Variants in SLCO3A1 observed in about 807,000 individuals in gnomAD.
The protein encoded by SLCO3A1 is solute carrier organic anion transporter family member 3A1.
SLCO3A1 carries 27 observed loss-of-function variants against 63.1 expected under a neutral mutation model. That is an observed-to-expected ratio of 0.43 (90% CI 0.32 to 0.59). The LOEUF (loss-of-function observed/expected upper bound fraction) is 0.59, where lower values mean the gene tolerates loss of function less well. Among genes scored for constraint, SLCO3A1 ranks in the 20% least tolerant of loss-of-function variants. The pLI is 0.09. For missense variants in SLCO3A1, 773 were observed against 945.8 expected (o/e 0.82, Z 2.40); for synonymous variants, 473 against 409.9 (o/e 1.15, Z -1.86).
intron 2 of SLCO3A1, among the ~76,000 whole-genome samples, chr15:92,015,720 G>T (rs1455316295): frequency 6.6e-6 from 1 of 152,130 alleles, no homozygotes; most frequent in Non-Finnish European, 1.5e-5. Flanking sequence ...AAGGGTAACT[G>T]TTGTGGGCAT....
At chr15:91,977,494 G>A (rs1901163566) in intron 2 of SLCO3A1, among the ~76,000 whole-genome samples, 1 of 152,296 alleles carries the variant, frequency 6.6e-6, no homozygotes. Context: ...CTCTAGGAAA[G>A]TGGGGTTCTC....
intron 1 of SLCO3A1, among the ~76,000 whole-genome samples, chr15:91,857,034 G>T (rs1449465082): frequency 2.3e-5 from 2 of 85,338 alleles, no homozygotes; most frequent in Non-Finnish European, 4.0e-5. Context: ...GGACTCGTGT[G>T]TGTGTGTGTG....
chr15:92,123,617 C>T (rs987835737), intron 5 of SLCO3A1, among the ~76,000 whole-genome samples: 3 of 151,988 alleles, frequency 2.0e-5, no homozygotes, highest in African/African-American at 4.8e-5. Flanking sequence ...AATATCTGCC[C>T]GACAGAGATA....
rs1476702313 is a variant in SLCO3A1, at chr15:91,916,044, G to A, written c.232G>A (p.Val78Met). The stretch of plus-strand genomic sequence containing the variant: ...TAGGTTCAACCTGCAGAGCGCTGAC[G>A]TGGGTGTGATCGCTAGCAGCTTCGA... ...ERRFNLQSAD[V>M]GVIASSFEIG... Residue 78 changes from valine to methionine, a missense_variant, in exon 2 of 10, where the codon GTG (valine) becomes ATG (methionine). By Grantham distance (21) the Val-to-Met change is conservative. Around this residue, in one of 3 missense-constraint regions of SLCO3A1, gnomAD observed 565 missense variants for 749.8 expected, o/e 0.75. Transcript: ENST00000318445. This position sits in a 1 kb window ranked among gnomAD's most constrained non-coding sequence, Gnocchi z 6.2. 4.3e-6 allele frequency: 7 copies of A among 1,613,346 alleles called. No individual in the cohort carries two copies. The highest frequency in any genetic ancestry group is 1.3e-5 in the African/African-American group (1 of 74,934).
At chr15:91,904,133 A>G (rs560577169) in intron 1 of SLCO3A1, among the ~76,000 whole-genome samples, 1 of 145,564 alleles carries the variant, frequency 6.9e-6, no homozygotes, top group South Asian at 2.3e-4. Context: ...TCCTCTGAAG[A>G]GGGTCCCACG....
chr15:91,927,665 G>A (rs1899078141), intron 2 of SLCO3A1, among the ~76,000 whole-genome samples: 1 of 152,144 alleles, frequency 6.6e-6, no homozygotes, highest in South Asian at 2.1e-4. Context: ...AATGTTCCAA[G>A]CAAGTGGGGC....
chr15:91,935,199 G>A (rs574738548), intron 2 of SLCO3A1, among the ~76,000 whole-genome samples: 21 of 152,238 alleles, frequency 1.4e-4, no homozygotes, highest in South Asian at 4.1e-4. Context: ...TGATCTGCCC[G>A]CCTCGGCCTC....
At chr15:91,947,436 G>C (rs954666789) in intron 2 of SLCO3A1, among the ~76,000 whole-genome samples, 4 of 152,182 alleles carry the variant, frequency 2.6e-5, no homozygotes, top group African/African-American at 9.7e-5. Context: ...CACTCAGGTG[G>C]TGCTTTGTTG....
At chr15:92,107,375 G>A (rs187969737) in intron 4 of SLCO3A1, among the ~76,000 whole-genome samples, 144 of 152,260 alleles carry the variant, frequency 9.5e-4, no homozygotes, top group Admixed American at 2.1e-3. Flanking sequence ...GGCCACAGTC[G>A]TTTACATGAT....
At chr15:92,070,337 A>C (rs563244779) in intron 2 of SLCO3A1, among the ~76,000 whole-genome samples, 1 of 152,348 alleles carries the variant, frequency 6.6e-6, no homozygotes, top group South Asian at 2.1e-4. Flanking sequence ...TCTTTCAAAA[A>C]CATGTCTTGA....
chr15:91,964,544 A>G (rs1001158843), intron 2 of SLCO3A1, among the ~76,000 whole-genome samples: 1 of 151,812 alleles, frequency 6.6e-6, no homozygotes, highest in African/African-American at 2.4e-5. Flanking sequence ...CTCCTATTCA[A>G]GGTTGCTATG....
chr15:91,972,680 G>T (rs988607152), intron 2 of SLCO3A1, among the ~76,000 whole-genome samples: 2 of 152,174 alleles, frequency 1.3e-5, no homozygotes, highest in Non-Finnish European at 2.9e-5. Flanking sequence ...ATTAGAAAGG[G>T]TGCTGCAGTG....
rs537091904 is a variant in SLCO3A1, at chr15:91,897,702, G to T, written c.181-18291G>T. 6.6e-6 allele frequency among the ~76,000 whole-genome samples: 1 copy of T among 152,300 alleles called. No homozygotes were observed. The highest frequency in any genetic ancestry group is 2.4e-5 in the African/African-American group (1 of 41,570). ...CTCCCTGGACAGTGGCGGCAGAGTG[G>T]ATTGGTGTGCTCCCATGTGCTAGGC... On this transcript the variant is annotated intron_variant, in intron 1 of 9. Coordinates refer to ENST00000318445, the MANE Select transcript of SLCO3A1 (RefSeq NM_013272.4). This position sits in a 1 kb window ranked among gnomAD's most constrained non-coding sequence, Gnocchi z 4.7.
intron 7 of SLCO3A1, among the ~76,000 whole-genome samples, chr15:92,129,912 T>A (rs1216439701): frequency 2.0e-5 from 3 of 152,202 alleles, no homozygotes; most frequent in Admixed American, 6.5e-5. Flanking sequence ...TAAAATTAGA[T>A]GATAAAGCAA....
chr15:92,168,600 C>T (rs938499052), downstream of SLCO3A1, among the ~76,000 whole-genome samples: 3 of 152,150 alleles, frequency 2.0e-5, no homozygotes, highest in African/African-American at 7.2e-5. Flanking sequence ...GGGACCCTAG[C>T]GGCTGAGCAT....
At chr15:91,980,614 A>G (rs1360784755) in intron 2 of SLCO3A1, among the ~76,000 whole-genome samples, 1 of 152,062 alleles carries the variant, frequency 6.6e-6, no homozygotes, top group Non-Finnish European at 1.5e-5. Context: ...GGATCATTCC[A>G]TAAGAAGCGT....
chr15:91,957,066 T>TAG (rs1567037442), intron 2 of SLCO3A1, among the ~76,000 whole-genome samples: 1 of 4,484 alleles, frequency 2.2e-4, no homozygotes, highest in Admixed American at 3.6e-3. Flanking sequence ...ATACTATATA[T>TAG]TATATATATA....
At chr15:92,099,483 G>T (rs934513357) in intron 3 of SLCO3A1, among the ~76,000 whole-genome samples, 1 of 151,906 alleles carries the variant, frequency 6.6e-6, no homozygotes, top group Non-Finnish European at 1.5e-5. Context: ...ACAGGAAAAA[G>T]AAGTAAATGT....
At chr15:91,988,251 G>A (rs2046080050) in intron 2 of SLCO3A1, among the ~76,000 whole-genome samples, 1 of 151,978 alleles carries the variant, frequency 6.6e-6, no homozygotes, top group Admixed American at 6.6e-5. Flanking sequence ...AAAAAAATAA[G>A]CCGGGCATGG....
Sources: allele counts gnomAD v4.1 joint callset (sites outside exome capture counted in the v4.1 genomes callset), GRCh38; gene constraint gnomAD v4.1.1; regional missense constraint gnomAD v4.1.1; non-coding constraint Gnocchi (gnomAD v3.1); transcripts MANE v1.5; gene names NCBI Gene and HGNC (gene_info 2026-07-23, HGNC 2026-07-21).